FGR: variants seen among roughly 807,000 people sequenced by gnomAD.
FGR encodes the protein tyrosine-protein kinase Fgr.
Under a neutral mutation model 63.2 loss-of-function variants are expected in FGR, and 26 were observed. That is an observed-to-expected ratio of 0.41 (90% confidence interval 0.30 to 0.57). FGR has a LOEUF of 0.57. Ranked by LOEUF, FGR falls within the 20% of genes least tolerant of loss-of-function variation. The pLI is 0.27. For missense variants in FGR, 511 were observed against 690.8 expected (o/e 0.74, Z 2.92); for synonymous variants, 286 against 277.7 (o/e 1.03, Z -0.30).
At position 27,613,717 on chromosome 1, in the gene FGR, A is replaced by G. The variant is rs199519895; in HGVS notation, c.1250-367T>C. Among the ~76,000 whole-genome samples the G allele has an allele frequency of 1.2e-3, 181 of 146,214 alleles. 1 individual carries two copies. In the East Asian group the frequency reaches 0.017, roughly 14 times the overall value. The stretch of plus-strand genomic sequence containing the variant: ...CTCAAAAAAAAAAAAAAAAAAAAAA[A>G]AGAGACAGAGAGAGAATGGGGACTC... On this transcript the variant is annotated intron_variant, in intron 11 of 12. Coordinates refer to ENST00000374005, the MANE Select transcript of FGR (RefSeq NM_005248.3).
At position 27,625,945 on chromosome 1, in the gene FGR, A is replaced by C. The variant is rs139547891; in HGVS notation, c.-76-794T>G. On this transcript the variant is annotated intron_variant, in intron 1 of 12. Transcript: ENST00000374005. ...CAGAGCAAGACTCCATCTCAAAAAC[A>C]AACAAACAAACAAACAAAAAACAGT... 2,640 of 398,272 alleles carry C rather than the reference A, an allele frequency of 6.6e-3. 59 individuals are homozygous for C. Among genetic ancestry groups the C allele is most frequent in the African/African-American group, 0.048 (2,327 of 48,564 alleles). The allele number at this position is 398,272 out of a possible 1,614,324, so 24.7% of individuals were successfully genotyped here.
At chr1:27,614,397 G>T in intron 11 of FGR, 33 bp downstream of exon 11, 1 of 1,599,840 alleles carries the variant, frequency 6.3e-7, no homozygotes. Flanking sequence ...TGTTGCATGG[G>T]GAGCTCTTGG....
chr1:27,630,654 C>G (rs1414687063), intron 1 of FGR, among the ~76,000 whole-genome samples: 1 of 152,138 alleles, frequency 6.6e-6, no homozygotes, highest in African/African-American at 2.4e-5. Context: ...AGCCAGGTCT[C>G]TCTTTTCTCA....
intron 1 of FGR, among the ~76,000 whole-genome samples, chr1:27,633,892 G>A (rs2090140833): frequency 6.6e-6 from 1 of 152,226 alleles, no homozygotes; most frequent in Admixed American, 6.5e-5. Context: ...CGTGGGGGAA[G>A]AGTGGACACA....
Position 27,617,086 on chromosome 1 carries a change from C to T in FGR, c.533-80G>A, listed in dbSNP as rs2089827834. The T allele has an allele frequency of 2.5e-6, 4 of 1,603,624 alleles. No individual in the cohort carries two copies. The highest frequency in any genetic ancestry group is 1.1e-5 in the South Asian group (1 of 90,748). ...TGGGAGAGGCCCGACAGCAGCATCCCTAGGACCTGGTCCCAGTCTTGGCCT... is the reference window on the plus strand; with the variant it reads ...TGGGAGAGGCCCGACAGCAGCATCCTTAGGACCTGGTCCCAGTCTTGGCCT... On this transcript the variant is annotated intron_variant, in intron 6 of 12. Coordinates refer to ENST00000374005, the MANE Select transcript of FGR (RefSeq NM_005248.3). The surrounding 1 kb of genome is among the most constrained non-coding windows in gnomAD (Gnocchi z 4.5).
At chr1:27,629,910 A>G (rs1253753081) in intron 1 of FGR, among the ~76,000 whole-genome samples, 3 of 152,232 alleles carry the variant, frequency 2.0e-5, no homozygotes, top group Non-Finnish European at 4.4e-5. Flanking sequence ...AAACCACTGT[A>G]ACCACTAGTC....
Position 27,613,276 on chromosome 1 carries a change from A to C in FGR, c.1324T>G (p.Trp442Gly). The C allele has an allele frequency of 3.1e-6, 5 of 1,614,194 alleles. No homozygotes were observed. Among genetic ancestry groups the C allele is most frequent in the Non-Finnish European group, 4.2e-6 (5 of 1,180,030 alleles). The change falls in exon 12 of 13, where the codon TGG (tryptophan) becomes GGG (glycine). Residue 442 changes from tryptophan to glycine, a missense_variant. Trp to Gly is a radical substitution (Grantham distance 184). Coordinates refer to ENST00000374005, the MANE Select transcript of FGR (RefSeq NM_005248.3). Reference protein sequence around the residue: ...FGRFTIKSDVWSFGILLTELI... With the variant: ...FGRFTIKSDVGSFGILLTELI... ...TCAGTGAGCAGGATCCCAAAGGACC[A>C]CACGTCTGACTTGATGGTGAATCTG...
chr1:27,627,475 C>T (rs1019667403), intron 1 of FGR, among the ~76,000 whole-genome samples: 1 of 151,792 alleles, frequency 6.6e-6, no homozygotes, highest in African/African-American at 2.4e-5. Flanking sequence ...CACACACACA[C>T]ACATCCTCTA....
intron 1 of FGR, among the ~76,000 whole-genome samples, chr1:27,628,841 G>A (rs2090063526): frequency 6.6e-6 from 1 of 152,194 alleles, no homozygotes; most frequent in Non-Finnish European, 1.5e-5. Context: ...AGCAGGCAGA[G>A]GTAGGCAGCT....
Position 27,617,130 on chromosome 1 carries a change from G to T in FGR, c.532+63C>A. The T allele has an allele frequency of 1.3e-6, 2 of 1,595,362 alleles. No homozygotes were observed. The highest frequency in any genetic ancestry group is 1.7e-6 in the Non-Finnish European group (2 of 1,164,450). ...TTGGCCTTAACCCAAGCAGCCTACCGCTCCTAGCCCTACCCCAATGGCTGG... is the reference window on the plus strand; with the variant it reads ...TTGGCCTTAACCCAAGCAGCCTACCTCTCCTAGCCCTACCCCAATGGCTGG... On this transcript the variant is annotated intron_variant, in intron 6 of 12. Coordinates refer to ENST00000374005, the MANE Select transcript of FGR (RefSeq NM_005248.3). The surrounding 1 kb of genome is among the most constrained non-coding windows in gnomAD (Gnocchi z 4.5).
At chr1:27,621,954 C>G (rs2089937057) in intron 4 of FGR, among the ~76,000 whole-genome samples, 1 of 152,130 alleles carries the variant, frequency 6.6e-6, no homozygotes, top group Non-Finnish European at 1.5e-5. Context: ...TAGGTCACTT[C>G]CCCACAGAAA....
At chr1:27,632,134 C>G (rs1571410479) in intron 1 of FGR, among the ~76,000 whole-genome samples, 1 of 147,718 alleles carries the variant, frequency 6.8e-6, no homozygotes, top group Admixed American at 6.7e-5. Context: ...TCTTCTTCTT[C>G]TTCTTCTTTT....
Position 27,616,713 on chromosome 1 carries a change from T to C in FGR, c.682+144A>G. The C allele has an allele frequency of 2.4e-6, 2 of 820,678 alleles. No individual in the cohort carries two copies. Among genetic ancestry groups the C allele is most frequent in the Non-Finnish European group, 2.0e-6 (1 of 511,032 alleles). 50.8% of individuals were successfully genotyped at this position (820,678 alleles called of 1,614,324 possible). On this transcript the variant is annotated intron_variant, in intron 7 of 12. Coordinates refer to ENST00000374005, the MANE Select transcript of FGR (RefSeq NM_005248.3). The surrounding 1 kb of genome is among the most constrained non-coding windows in gnomAD (Gnocchi z 4.3). ...TCCAGAAGCTCACAGAGCTGGATCC[T>C]GGGCTGGCAGACCCCATCCTTGGGT...
At chr1:27,628,371 T>C (rs766616787) in intron 1 of FGR, among the ~76,000 whole-genome samples, 9 of 152,048 alleles carry the variant, frequency 5.9e-5, no homozygotes, top group Non-Finnish European at 1.3e-4. Context: ...ACAGACATGA[T>C]GTATCCTGGT....
chr1:27,627,613 A>T (rs1227317498), intron 1 of FGR, among the ~76,000 whole-genome samples: 1 of 151,966 alleles, frequency 6.6e-6, no homozygotes, highest in Non-Finnish European at 1.5e-5. Context: ...ATTATTATTA[A>T]TTTATTTATT....
chr1:27,633,743 A>G (rs6671549), intron 1 of FGR, among the ~76,000 whole-genome samples: 37,029 of 152,076 alleles, frequency 0.24, 6,736 homozygotes, highest in African/African-American at 0.47. Flanking sequence ...TTGTAGAGAC[A>G]GGACGGGGGT....
chr1:27,625,318 C>T (rs1361428372), intron 1 of FGR, among the ~76,000 whole-genome samples, 167 bp from the exon 2 acceptor site: 1 of 152,118 alleles, frequency 6.6e-6, no homozygotes, highest in Admixed American at 6.5e-5. Flanking sequence ...TTACACAACC[C>T]CCGTCACATA....
intron 1 of FGR, among the ~76,000 whole-genome samples, chr1:27,634,744 C>T (rs2090154788): frequency 1.3e-5 from 2 of 151,918 alleles, no homozygotes. Context: ...AATCCTTCTC[C>T]CCCACCTCAG....
chr1:27,615,759 C>A lies in FGR; in HGVS notation c.768G>T (p.Trp256Cys). The change falls in exon 8 of 13, where the codon TGG (tryptophan) becomes TGT (cysteine). Residue 256 changes from tryptophan to cysteine, a missense_variant. Transcript: ENST00000374005. The surrounding 1 kb of genome is among the most constrained non-coding windows in gnomAD (Gnocchi z 7.6). ...PQTLGLAKDAWEISRSSITLE... is the reference protein window; with the variant it reads ...PQTLGLAKDACEISRSSITLE... ...GCGTGATGGAGCTGCGGCTGATCTC[C>A]CAGGCGTCCTTGGCCAGGCCCAGCG... 6.2e-7 allele frequency: 1 copy of A among 1,606,168 alleles called. No homozygotes were observed.
Sources: allele counts gnomAD v4.1 joint callset (sites outside exome capture counted in the v4.1 genomes callset), GRCh38; gene constraint gnomAD v4.1.1; non-coding constraint Gnocchi (gnomAD v3.1); transcripts MANE v1.5; gene names NCBI Gene and HGNC (gene_info 2026-07-23, HGNC 2026-07-21).